NR1H4: variants seen among roughly 807,000 people sequenced by gnomAD.
NR1H4 encodes the protein bile acid receptor.
In NR1H4, 23 loss-of-function variants were observed where a neutral mutation model predicts 58.5. That is an observed-to-expected ratio of 0.39 (90% CI 0.28 to 0.56). The LOEUF (loss-of-function observed/expected upper bound fraction) is 0.56, where lower values mean the gene tolerates loss of function less well. NR1H4 is among the 20% of genes least tolerant of loss of function. NR1H4 has a pLI of 0.58. For missense variants in NR1H4, 487 were observed against 576.9 expected, an observed-to-expected ratio of 0.84 and a Z score of 1.60; for synonymous variants, 214 against 198.0, an observed-to-expected ratio of 1.08 and a Z score of -0.68.
rs398020830 is a variant in NR1H4 at position 100,506,002 on chromosome 12, A to AACACAC, written c.80-4740_80-4735dup. ...TGACTGCTAAATAGCAAGTGTTTAT[A>AACACAC]ACACACACACACACACACACACACA... is the stretch of plus-strand genomic sequence containing the variant. On this transcript the variant is annotated intron_variant, in intron 3 of 10. Transcript: ENST00000392986. Among the ~76,000 whole-genome samples, 1,292 of 141,106 alleles carry AACACAC rather than the reference A, an allele frequency of 9.2e-3. 19 individuals carry two copies. Among genetic ancestry groups the AACACAC allele is most frequent in the East Asian group, 0.049 (226 of 4,638 alleles). The allele number at this position is 141,106 out of a possible 152,430, so 92.6% of individuals were successfully genotyped here. A position where few individuals can be genotyped will look rare whatever the true frequency, so the allele number is the denominator to read the frequency against.
intron 1 of NR1H4, among the ~76,000 whole-genome samples, chr12:100,490,290 AAAC>A (rs534929537): frequency 1.3e-5 from 2 of 152,196 alleles, no homozygotes; most frequent in African/African-American, 4.8e-5. Context: ...AAATATTAAA[AAAC>A]TGTAATGTGC....
In NR1H4 at chr12:100,511,633, A is replaced by C. The variant is rs540957227; in HGVS notation, c.445+490A>C. On this transcript the variant is annotated intron_variant, in intron 4 of 10. Coordinates refer to ENST00000392986, the MANE Select transcript of NR1H4 (RefSeq NM_001206979.2). ...TAATAATAGCTTATATTACAAAAAAATATTTTAACTTGGCATGGTGGCTCA... is the reference window on the plus strand; with the variant it reads ...TAATAATAGCTTATATTACAAAAAACTATTTTAACTTGGCATGGTGGCTCA... Among the ~76,000 whole-genome samples, 5 of 152,336 alleles carry C rather than the reference A, an allele frequency of 3.3e-5. No individual in the cohort carries two copies. The South Asian group carries it at 1.0e-3, about 32-fold the overall frequency.
chr12:100,500,736 C>T (rs1229114133), intron 3 of NR1H4, among the ~76,000 whole-genome samples: 1 of 152,142 alleles, frequency 6.6e-6, no homozygotes, highest in Non-Finnish European at 1.5e-5. Context: ...TCTGGTGCTT[C>T]TCCCTTCCTA....
At chr12:100,557,676 G>A (rs1955362700) in intron 9 of NR1H4, among the ~76,000 whole-genome samples, 1 of 152,142 alleles carries the variant, frequency 6.6e-6, no homozygotes, top group Admixed American at 6.6e-5. Context: ...TGTTCAGTGA[G>A]GACATGCGGT....
intron 6 of NR1H4, among the ~76,000 whole-genome samples, chr12:100,535,731 A>G (rs1812228704): frequency 6.6e-6 from 1 of 152,240 alleles, no homozygotes; most frequent in African/African-American, 2.4e-5. Flanking sequence ...AGTATTTTAT[A>G]TGAAAGCATT....
intron 9 of NR1H4, among the ~76,000 whole-genome samples, chr12:100,548,669 C>A (rs1955136562): frequency 6.6e-6 from 1 of 151,996 alleles, no homozygotes; most frequent in East Asian, 1.9e-4. Flanking sequence ...TTTTAACAAG[C>A]TTTTATTGAG....
At chr12:100,540,839 TAA>T in intron 9 of NR1H4, 21 bp downstream of exon 9, 2 of 1,613,536 alleles carry the variant, frequency 1.2e-6, no homozygotes, top group Non-Finnish European at 1.7e-6. Flanking sequence ...TGGCTAATGG[TAA>T]AAGAGTTTGT....
chr12:100,517,494 G>A (rs561489836), intron 4 of NR1H4, among the ~76,000 whole-genome samples: 1 of 152,318 alleles, frequency 6.6e-6, no homozygotes, highest in Admixed American at 6.5e-5. Flanking sequence ...AATAAACATA[G>A]GAGTGCAGAT....
chr12:100,548,654 CT>C (rs534950157), intron 9 of NR1H4, among the ~76,000 whole-genome samples: 5 of 151,890 alleles, frequency 3.3e-5, no homozygotes, highest in East Asian at 3.9e-4. Flanking sequence ...TATTTGTTTA[CT>C]TTTTTTTAAC....
chr12:100,518,788 C>CTTTT (rs34055370), intron 4 of NR1H4, among the ~76,000 whole-genome samples: 14 of 119,274 alleles, frequency 1.2e-4, no homozygotes, highest in East Asian at 2.5e-4. Context: ...TGACCAATGA[C>CTTTT]TTTTTTTTTT....
chr12:100,508,211 T>C (rs1310066652), intron 3 of NR1H4, among the ~76,000 whole-genome samples: 5 of 151,702 alleles, frequency 3.3e-5, no homozygotes, highest in Non-Finnish European at 7.4e-5. Context: ...CTGGAAGGGG[T>C]TGGCTGTGTT....
chr12:100,525,669 T>A (rs1954537013), intron 4 of NR1H4, among the ~76,000 whole-genome samples: 1 of 152,230 alleles, frequency 6.6e-6, no homozygotes, highest in Non-Finnish European at 1.5e-5. Flanking sequence ...TAGAAAGTGT[T>A]CCCTCTGCTT....
At chr12:100,554,392 AACACACAC>A (rs60582622) in intron 9 of NR1H4, among the ~76,000 whole-genome samples, 51 of 148,102 alleles carry the variant, frequency 3.4e-4, no homozygotes, top group South Asian at 1.3e-3. Context: ...ACTTGTAAAT[AACACACAC>A]ACACACACAC....
At chr12:100,505,129 C>T (rs1953929211) in intron 3 of NR1H4, among the ~76,000 whole-genome samples, 1 of 152,114 alleles carries the variant, frequency 6.6e-6, no homozygotes, top group African/African-American at 2.4e-5. Context: ...TTTCTAGGCA[C>T]TGCAATTCAA....
chr12:100,559,823 T>G (rs1337609399), intron 9 of NR1H4, among the ~76,000 whole-genome samples: 1 of 152,248 alleles, frequency 6.6e-6, no homozygotes, highest in Non-Finnish European at 1.5e-5. Context: ...CCGGATCCAC[T>G]AGGTGAAGCC....
chr12:100,534,070 G>C (rs767919498), intron 5 of NR1H4, among the ~76,000 whole-genome samples: 13 of 151,762 alleles, frequency 8.6e-5, no homozygotes, highest in Non-Finnish European at 1.9e-4. Context: ...CTAATTTTTT[G>C]TATTTTTAGT....
intron 9 of NR1H4, among the ~76,000 whole-genome samples, chr12:100,553,706 G>A (rs765239435): frequency 4.6e-5 from 7 of 152,166 alleles, no homozygotes; most frequent in East Asian, 1.9e-4. Context: ...ACCCACCATC[G>A]GAAACACAGA....
At chr12:100,501,774 A>G (rs1030752016) in intron 3 of NR1H4, among the ~76,000 whole-genome samples, 4 of 152,128 alleles carry the variant, frequency 2.6e-5, no homozygotes, top group African/African-American at 9.7e-5. Context: ...GAACAGGCCT[A>G]AATAGGGCAT....
At chr12:100,559,861 G>T (rs542426444) in intron 9 of NR1H4, among the ~76,000 whole-genome samples, 1 of 152,220 alleles carries the variant, frequency 6.6e-6, no homozygotes, top group Non-Finnish European at 1.5e-5. Context: ...TGGTGGGGAC[G>T]TGGAGAGTCT....
Sources: gnomAD v4.1 joint callset for allele counts (sites outside exome capture counted in the v4.1 genomes callset) on GRCh38, gnomAD v4.1.1 for gene constraint, MANE v1.5 for transcripts, NCBI Gene and HGNC (gene_info 2026-07-23, HGNC 2026-07-21) for gene names.